The following ZNF143 variants were observed in gnomAD, a reference collection of about 807,000 sequenced individuals.
ZNF143 encodes SPH-binding factor.
ZNF143 carries 49 observed loss-of-function variants against 74.1 expected under a neutral mutation model. The observed-to-expected ratio is 0.66, with a 90% CI of 0.53 to 0.84. The LOEUF (loss-of-function observed/expected upper bound fraction) is 0.84. ZNF143 is among the 40% of genes least tolerant of loss of function. The pLI, the probability that ZNF143 is intolerant of heterozygous loss-of-function variation, is 0.00. For synonymous variants in ZNF143, 304 were observed against 282.8 expected (o/e 1.07, Z -0.75); for missense variants, 637 against 793.4 (o/e 0.80, Z 2.37).
At chr11:9,525,204 T>C in intron 14 of ZNF143, 36 bp from the exon 15 acceptor site, 1 of 1,612,954 alleles carries the variant, frequency 6.2e-7, no homozygotes. Flanking sequence ...GCAGGTTTAA[T>C]TCTTTATGTG....
At chr11:9,502,535 G>A (rs1428331535) in intron 11 of ZNF143, among the ~76,000 whole-genome samples, 2 of 150,448 alleles carry the variant, frequency 1.3e-5, no homozygotes, top group African/African-American at 2.4e-5. Context: ...GCATGAACCC[G>A]GGAGGCAGAG....
chr11:9,473,181 G>A (rs1217329876), intron 3 of ZNF143, among the ~76,000 whole-genome samples: 5 of 151,782 alleles, frequency 3.3e-5, no homozygotes, highest in African/African-American at 4.8e-5. Context: ...ACCTGAGGTC[G>A]GGAGTTCGAG....
chr11:9,476,879 C>G (rs1294560026), intron 5 of ZNF143, among the ~76,000 whole-genome samples: 1 of 145,996 alleles, frequency 6.8e-6, no homozygotes, highest in Admixed American at 7.1e-5. Context: ...CCTGCCTCAG[C>G]CTTCGGAGTA....
At chr11:9,472,797 T>C in intron 3 of ZNF143, 28 bp downstream of exon 3, 1 of 1,495,094 alleles carries the variant, frequency 6.7e-7, no homozygotes, top group South Asian at 1.3e-5. Context: ...GGCTGATTGG[T>C]TAATACCAGT....
rs1385312647 is a variant in ZNF143, at chr11:9,472,684, C to T, written c.120C>T (p.Asp40=). 1.2e-6 allele frequency: 2 copies of T among 1,610,192 alleles called. No individual in the cohort carries two copies. The highest frequency in any genetic ancestry group is 2.2e-5 in the East Asian group (1 of 44,648). The change falls in exon 3 of 16, where the codon GAC becomes GAT. Residue 40 remains aspartate (D), a synonymous_variant. Transcript: ENST00000396602. ...LTEAVTVADG[D]NLENMEGVSL... ...TTGATTTTTTTGTAATAGATGGTGA[C>T]AACTTAGAAAATATGGAAGGCGTAA... is the stretch of plus-strand genomic sequence containing the variant.
chr11:9,516,149 G>A, intron 13 of ZNF143, 52 bp from the exon 14 acceptor site: 5 of 1,586,100 alleles, frequency 3.2e-6, no homozygotes, highest in Non-Finnish European at 4.3e-6. Context: ...ATGGAAGATT[G>A]TCAGCTATAA....
chr11:9,466,566 G>C (rs1338543952), intron 1 of ZNF143, among the ~76,000 whole-genome samples: 1 of 151,956 alleles, frequency 6.6e-6, no homozygotes, highest in Non-Finnish European at 1.5e-5. Flanking sequence ...AAAGTGCTGG[G>C]ATTACAGATG....
Position 9,482,896 on chromosome 11 carries a change from C to T in ZNF143, c.645+3350C>T, listed in dbSNP as rs566690387. On this transcript the variant is annotated intron_variant, in intron 7 of 15. Transcript: ENST00000396602. ...GATAACGTTGAAATGATATTTTGGA[C>T]ATATTGTGTTAAACAAAATAATTAC... is the stretch of plus-strand genomic sequence containing the variant. Among the ~76,000 whole-genome samples the T allele has an allele frequency of 8.0e-4, 121 of 151,428 alleles. 2 individuals carry two copies. Among genetic ancestry groups the T allele is most frequent in the Non-Finnish European group, 1.6e-3 (106 of 67,998 alleles).
intron 4 of ZNF143, among the ~76,000 whole-genome samples, 191 bp downstream of exon 4, chr11:9,474,215 C>G (rs1856751112): frequency 6.6e-6 from 1 of 152,200 alleles, no homozygotes; most frequent in Non-Finnish European, 1.5e-5. Context: ...AAAGAAGTTA[C>G]TGGACTGCAC....
rs185802326 is a variant in ZNF143, at chr11:9,466,551, C to T, written c.-7-4751C>T. Reference sequence around the variant, plus strand: ...CCTCAGGTGATCCACCCACCTCAGCCTCCCAAAGTGCTGGGATTACAGATG... The same window carrying T: ...CCTCAGGTGATCCACCCACCTCAGCTTCCCAAAGTGCTGGGATTACAGATG... On this transcript the variant is annotated intron_variant, in intron 1 of 15. Coordinates refer to ENST00000396602, the MANE Select transcript of ZNF143 (RefSeq NM_003442.6). Among the ~76,000 whole-genome samples, 392 of 152,234 alleles carry T rather than the reference C, an allele frequency of 2.6e-3. 1 individual carries two copies. The highest frequency in any genetic ancestry group is 9.1e-3 in the African/African-American group (378 of 41,550).
rs1565025958 is a variant in ZNF143 at position 9,474,023 on chromosome 11, TAGTA to T, written c.289+4_289+7del. 3.1e-6 allele frequency: 5 copies of T among 1,608,834 alleles called. No homozygotes were observed. Among genetic ancestry groups the T allele is most frequent in the Middle Eastern group, 1.7e-4 (1 of 5,772 alleles). Reference sequence around the variant, plus strand: ...TTCAACATGTACCCATACCTAAAAGTAGTAAGTATTTAAGATAACAGCACGGGAA... The same window carrying T: ...TTCAACATGTACCCATACCTAAAAGTAGTATTTAAGATAACAGCACGGGAA... On this transcript the variant is annotated splice_donor_variant and splice_donor_region_variant and coding_sequence_variant and intron_variant, in exon 4 of 16. Coordinates refer to ENST00000396602, the MANE Select transcript of ZNF143 (RefSeq NM_003442.6). LOFTEE classifies it high-confidence loss of function.
intron 1 of ZNF143, among the ~76,000 whole-genome samples, chr11:9,467,845 CAAAAAAAAA>C (rs971001404): frequency 2.5e-5 from 2 of 79,916 alleles, no homozygotes; most frequent in African/African-American, 6.4e-5. Context: ...ACTCCATCTC[CAAAAAAAAA>C]AAAAAAAAAA....
chr11:9,511,968 G>A (rs1848566549), intron 12 of ZNF143, among the ~76,000 whole-genome samples: 1 of 150,558 alleles, frequency 6.6e-6, no homozygotes, highest in Admixed American at 6.6e-5. Context: ...AGCCAGGATG[G>A]TCTCGATCTC....
intron 11 of ZNF143, among the ~76,000 whole-genome samples, chr11:9,507,134 T>TA (rs1228767766): frequency 2.0e-5 from 3 of 152,230 alleles, no homozygotes; most frequent in Non-Finnish European, 4.4e-5. Context: ...AGACTTATGT[T>TA]ACGGTACATT....
intron 11 of ZNF143, among the ~76,000 whole-genome samples, chr11:9,506,993 A>G (rs1490167026): frequency 2.6e-5 from 4 of 152,102 alleles, no homozygotes; most frequent in Non-Finnish European, 5.9e-5. Context: ...CCAAGTTGAA[A>G]TTGGCTGCCC....
rs1358866592 is a variant in ZNF143 at position 9,524,799 on chromosome 11, C to G, written c.1687-441C>G. On this transcript the variant is annotated intron_variant, in intron 14 of 15. Transcript: ENST00000396602. Reference sequence around the variant, plus strand: ...AGTACCACTGGTCCTTTCAGTTTTCCTAGTTAAATGGAAATCTAATTTTAA... The same window carrying G: ...AGTACCACTGGTCCTTTCAGTTTTCGTAGTTAAATGGAAATCTAATTTTAA... 3.3e-5 allele frequency among the ~76,000 whole-genome samples: 5 copies of G among 152,110 alleles called. No homozygotes were observed. The East Asian group carries it at 9.6e-4, about 29-fold the overall frequency.
At chr11:9,476,833 C>A (rs1415402353) in intron 5 of ZNF143, among the ~76,000 whole-genome samples, 1 of 127,744 alleles carries the variant, frequency 7.8e-6, no homozygotes, top group Non-Finnish European at 1.6e-5. Flanking sequence ...GATCTCGGCT[C>A]ACTGCAAGCT....
At chr11:9,502,384 C>T (rs1448607708) in intron 11 of ZNF143, among the ~76,000 whole-genome samples, 5 of 149,490 alleles carry the variant, frequency 3.3e-5, no homozygotes, top group Admixed American at 2.7e-4. Flanking sequence ...CCGAAGTGAG[C>T]GGATCACGAG....
chr11:9,481,896 A>C (rs1032311795), intron 7 of ZNF143, among the ~76,000 whole-genome samples: 4 of 151,658 alleles, frequency 2.6e-5, no homozygotes, highest in Non-Finnish European at 5.9e-5. Context: ...AAAAAAAAAA[A>C]AAAAAATTTC....
Sources: allele counts gnomAD v4.1 joint callset (sites outside exome capture counted in the v4.1 genomes callset), GRCh38; gene constraint gnomAD v4.1.1; transcripts MANE v1.5; gene names NCBI Gene and HGNC (gene_info 2026-07-23, HGNC 2026-07-21).